SEC31A: variants seen among roughly 807,000 people sequenced by gnomAD.
The protein encoded by SEC31A is protein transport protein Sec31A.
SEC31A carries 70 observed loss-of-function variants against 151.0 expected under a neutral mutation model. That is an observed-to-expected ratio of 0.46 (90% CI 0.38 to 0.57). The LOEUF (loss-of-function observed/expected upper bound fraction) is 0.57. Ranked by LOEUF, SEC31A falls within the 20% of genes least tolerant of loss-of-function variation. The pLI is 0.00. For missense variants in SEC31A, 1,330 were observed against 1,471.2 expected, an observed-to-expected ratio of 0.90 and a Z score of 1.57; for synonymous variants, 475 against 505.9, an observed-to-expected ratio of 0.94 and a Z score of 0.82.
upstream of SEC31A, among the ~76,000 whole-genome samples, chr4:82,891,632 T>G (rs1272229164): frequency 1.3e-5 from 2 of 152,256 alleles, no homozygotes; most frequent in Non-Finnish European, 2.9e-5. Context: ...CCCACTTGAT[T>G]GCACATTCTG....
intron 4 of SEC31A, among the ~76,000 whole-genome samples, chr4:82,876,633 A>G (rs1009651080): frequency 1.3e-5 from 2 of 152,170 alleles, no homozygotes; most frequent in African/African-American, 2.4e-5. Flanking sequence ...CTCTTCACAT[A>G]TTTCTAGTTC....
chr4:82,853,424 C>T, intron 18 of SEC31A, 146 bp downstream of exon 18: 1 of 662,784 alleles, frequency 1.5e-6, no homozygotes, highest in Non-Finnish European at 2.4e-6. Flanking sequence ...TTTGCTTCTT[C>T]AAAGATAGCA....
At chr4:82,854,271 G>C (rs1229134514) in intron 17 of SEC31A, among the ~76,000 whole-genome samples, 1 of 151,456 alleles carries the variant, frequency 6.6e-6, no homozygotes, top group East Asian at 2.0e-4. Flanking sequence ...GTTGAGGCAG[G>C]AGAATCACTT....
At chr4:82,843,199 T>C (rs1325693817) in intron 21 of SEC31A, among the ~76,000 whole-genome samples, 1 of 151,792 alleles carries the variant, frequency 6.6e-6, no homozygotes, top group Non-Finnish European at 1.5e-5. Context: ...GGTGTGATCG[T>C]AGCTCACTGT....
At chr4:82,828,678 A>AAAAAC (rs1264683768) in intron 23 of SEC31A, among the ~76,000 whole-genome samples, 1 of 148,956 alleles carries the variant, frequency 6.7e-6, no homozygotes, top group Non-Finnish European at 1.5e-5. Context: ...TAACTCAAAA[A>AAAAAC]AAAAAAAAAA....
rs769924294 is a variant in SEC31A, at chr4:82,864,421, G to T, written c.1375C>A (p.Gln459Lys). Residue 459 changes from glutamine (Q) to lysine (K), a missense_variant, in exon 11 of 27, where the codon CAA (glutamine) becomes AAA (lysine). By Grantham distance (53) the Gln-to-Lys change is moderately conservative (BLOSUM62 1). Coordinates refer to ENST00000395310, the MANE Select transcript of SEC31A (RefSeq NM_001077207.4). ...VQSQGFINYCQKKIDASQTEF... is the reference protein window; with the variant it reads ...VQSQGFINYCKKKIDASQTEF... The stretch of plus-strand genomic sequence containing the variant: ...GTCTGAGAAGCATCAATTTTTTTTT[G>T]GCAATAATTGATAAATCCTTGTGAC... 3.1e-6 allele frequency: 5 copies of T among 1,607,252 alleles called. No individual in the cohort carries two copies. Among genetic ancestry groups the T allele is most frequent in the East Asian group, 2.2e-5 (1 of 44,868 alleles).
chr4:82,898,239 C>T (rs1720147637), intron 3 of SEC31A, among the ~76,000 whole-genome samples: 1 of 151,956 alleles, frequency 6.6e-6, no homozygotes, highest in Admixed American at 6.6e-5. Context: ...CTAGAAGAAG[C>T]AATGATATAA....
chr4:82,894,253 A>C (rs1719964087), upstream of SEC31A: 1 of 146,684 alleles, frequency 6.8e-6, no homozygotes, highest in South Asian at 2.2e-4. Flanking sequence ...TAACTGAACT[A>C]CTTATCTTGG....
chr4:82,818,513 G>T lies in SEC31A; in HGVS notation c.*561C>A, dbSNP rs1419518462. The T allele has an allele frequency of 6.6e-6, 1 of 152,122 alleles. No individual in the cohort carries two copies. Among genetic ancestry groups the T allele is most frequent in the Non-Finnish European group, 1.5e-5 (1 of 68,038 alleles). The allele number at this position is 152,122 out of a possible 1,614,324, so 9.4% of individuals were successfully genotyped here. ...AAAATGTCCAGTCTTTTCCTATATAGTTAAAGCCAGTGATCCCATTTTTAT... is the reference window on the plus strand; with the variant it reads ...AAAATGTCCAGTCTTTTCCTATATATTTAAAGCCAGTGATCCCATTTTTAT... On this transcript the variant is annotated 3_prime_UTR_variant, in exon 27 of 27. Transcript: ENST00000395310.
rs776977004 is a variant in SEC31A at position 82,848,974 on chromosome 4, T to G, written c.2332A>C (p.Asn778His). Residue 778 changes from asparagine (N) to histidine (H), a missense_variant, in exon 20 of 27, where the codon AAT (asparagine) becomes CAT (histidine). Coordinates refer to ENST00000395310, the MANE Select transcript of SEC31A (RefSeq NM_001077207.4). ...AFLPDNTNQPNIMQLRDRLCR... is the reference protein window; with the variant it reads ...AFLPDNTNQPHIMQLRDRLCR... Reference sequence around the variant, plus strand: ...AGTCTGTCACGAAGCTGCATGATATTTGGCTAAAAAGGATTGGAAAAACAG... The same window carrying G: ...AGTCTGTCACGAAGCTGCATGATATGTGGCTAAAAAGGATTGGAAAAACAG... 34 of 1,612,422 alleles carry G rather than the reference T, an allele frequency of 2.1e-5. No individual in the cohort carries two copies. The highest frequency in any genetic ancestry group is 2.9e-5 in the Non-Finnish European group (34 of 1,179,422).
chr4:82,875,390 AAACACAGAGCAACTATCACACAAAG>A (rs1737682632), intron 5 of SEC31A, among the ~76,000 whole-genome samples: 1 of 152,228 alleles, frequency 6.6e-6, no homozygotes, highest in Admixed American at 6.5e-5. Flanking sequence ...GTTGTTGCCA[AAACACAGAGCAACTATCACACAAAG>A]AACAAAAATA....
intron 3 of SEC31A, among the ~76,000 whole-genome samples, chr4:82,896,500 G>A (rs560974396): frequency 4.6e-4 from 70 of 152,202 alleles, no homozygotes; most frequent in African/African-American, 1.7e-3. Context: ...TTACAGGTGC[G>A]AGCCACCATG....
intron 3 of SEC31A, among the ~76,000 whole-genome samples, chr4:82,879,957 T>C (rs1676551143): frequency 6.6e-6 from 1 of 152,206 alleles, no homozygotes; most frequent in Non-Finnish European, 1.5e-5. Context: ...TTACGATGAC[T>C]ACTCCTTTTC....
chr4:82,827,803 AAACAT>A (rs1191052268), intron 23 of SEC31A, among the ~76,000 whole-genome samples, 171 bp from the exon 24 acceptor site: 2 of 152,168 alleles, frequency 1.3e-5, no homozygotes, highest in African/African-American at 4.8e-5. Flanking sequence ...AAACAAAGTA[AAACAT>A]AAAAACAGAG....
At chr4:82,870,030 A>C (rs1202300953) in intron 8 of SEC31A, among the ~76,000 whole-genome samples, 1 of 152,218 alleles carries the variant, frequency 6.6e-6, no homozygotes, top group Non-Finnish European at 1.5e-5. Context: ...CCCATAAACC[A>C]CATGTGAAAT....
chr4:82,893,066 A>G (rs1719911045), upstream of SEC31A: 1 of 152,192 alleles, frequency 6.6e-6, no homozygotes, highest in Non-Finnish European at 1.5e-5. Context: ...CATAGCACAA[A>G]GATATTCTAG....
Position 82,897,331 on chromosome 4 carries a change from T to C in SEC31A, c.-2+2382A>G, listed in dbSNP as rs550717887. 2.8e-4 allele frequency among the ~76,000 whole-genome samples: 43 copies of C among 152,204 alleles called. No homozygotes were observed. The East Asian group carries it at 5.0e-3, about 18-fold the overall frequency. On this transcript the variant is annotated intron_variant, in intron 3 of 28. Transcript: ENST00000355196. The stretch of plus-strand genomic sequence containing the variant: ...TATGTAACAAATAATGATATAACAA[T>C]AATTTCAAAACTCCATGGCTTTCTG...
intron 10 of SEC31A, 51 bp downstream of exon 10, chr4:82,866,757 G>T: frequency 2.0e-6 from 3 of 1,498,358 alleles, no homozygotes; most frequent in South Asian, 1.3e-5. Flanking sequence ...ATAACACTTT[G>T]GTATAAAAAG....
intron 18 of SEC31A, among the ~76,000 whole-genome samples, chr4:82,853,042 T>C (rs7661346): frequency 0.66 from 100,566 of 152,090 alleles, 35,993 homozygotes; most frequent in Non-Finnish European, 0.79. Flanking sequence ...ATAATGCTCG[T>C]TCACCCACTG....
Sources: gnomAD v4.1 joint callset for allele counts (sites outside exome capture counted in the v4.1 genomes callset) on GRCh38, gnomAD v4.1.1 for gene constraint, MANE v1.5 for transcripts, NCBI Gene and HGNC (gene_info 2026-07-23, HGNC 2026-07-21) for gene names.